SPEG: variants seen among roughly 807,000 people sequenced by gnomAD.
SPEG encodes striated muscle preferentially expressed protein kinase.
SPEG carries 114 observed loss-of-function variants against 300.4 expected under a neutral mutation model. The observed-to-expected ratio is 0.38, with a 90% CI of 0.33 to 0.44. The LOEUF (loss-of-function observed/expected upper bound fraction) is 0.44, where lower values mean the gene tolerates loss of function less well. Among genes scored for constraint, SPEG ranks in the 20% least tolerant of loss-of-function variants. The pLI is 1.00. For synonymous variants in SPEG, 1,964 were observed against 2,018.9 expected, an observed-to-expected ratio of 0.97 and a Z score of 0.73; for missense variants, 4,201 against 4,586.2, an observed-to-expected ratio of 0.92 and a Z score of 2.43.
Position 219,480,675 on chromosome 2 carries a change from G to C in SPEG, c.5347G>C (p.Val1783Leu). Residue 1783 changes from valine (V) to leucine (L), a missense_variant, in exon 26 of 41, where the codon GTG (valine) becomes CTG (leucine). Val to Leu is a conservative substitution (Grantham distance 32, BLOSUM62 1). This residue lies in a region of SPEG where 1,047 missense variants were observed against 1,356.8 expected (regional missense o/e 0.77). Coordinates refer to ENST00000312358, the MANE Select transcript of SPEG (RefSeq NM_005876.5). The surrounding 1 kb of genome is among the most constrained non-coding windows in gnomAD (Gnocchi z 5.3). ...ATCACTCTCCTTTTCCCACAGGCCT[G>C]TGGGTGTTGTTGCCTTCCTCTGGTA... ...PVSGVTDIWP[V>L]GVVAFLCLTG... The C allele has an allele frequency of 1.2e-6, 2 of 1,614,008 alleles. No individual in the cohort carries two copies. The highest frequency in any genetic ancestry group is 1.7e-6 in the Non-Finnish European group (2 of 1,179,920).
Position 219,477,814 on chromosome 2 carries a change from G to A in SPEG, c.4826+29G>A, listed in dbSNP as rs758217541. On this transcript the variant is annotated intron_variant, in intron 21 of 40. Coordinates refer to ENST00000312358, the MANE Select transcript of SPEG (RefSeq NM_005876.5). The surrounding 1 kb of genome is among the most constrained non-coding windows in gnomAD (Gnocchi z 6.4). ...TGGGGCTAGGAGGGAAGCCAGTGGG[G>A]GCCGAGAGAGGCTGCTGGGTCTGAG... The A allele has an allele frequency of 5.6e-6, 9 of 1,593,686 alleles. No homozygotes were observed. In the African/African-American group the frequency reaches 6.7e-5, roughly 12 times the overall value.
rs1690365712 is a variant in SPEG, at chr2:219,458,390, C to A, written c.2441-3492C>A. On this transcript the variant is annotated intron_variant, in intron 6 of 40. Coordinates refer to ENST00000312358, the MANE Select transcript of SPEG (RefSeq NM_005876.5). This position sits in a 1 kb window ranked among gnomAD's most constrained non-coding sequence, Gnocchi z 4.2. ...ATCACCTGAGTATGTGTTAGAAATG[C>A]AGTTTCTTTTTTTTTTTTTCCCAAT... is the stretch of plus-strand genomic sequence containing the variant. 6.6e-6 allele frequency among the ~76,000 whole-genome samples: 1 copy of A among 151,282 alleles called. No individual in the cohort carries two copies. Among genetic ancestry groups the A allele is most frequent in the African/African-American group, 2.5e-5 (1 of 40,732 alleles).
rs1405799293 is a variant in SPEG at position 219,467,262 on chromosome 2, G to A, written c.2970G>A (p.Leu990=). ...GGGAGATGGCGCTGTTTGAGTGCCT[G>A]GTGGCGGGGCCCACTGACGTGGAGG... ...GAGEMALFEC[L]VAGPTDVEVD... Residue 990 remains leucine, a synonymous_variant, in exon 10 of 41, where the codon CTG becomes CTA. Transcript: ENST00000312358. The A allele has an allele frequency of 2.5e-6, 4 of 1,608,356 alleles. No homozygotes were observed. The South Asian group carries it at 4.4e-5, about 18-fold the overall frequency.
rs531264478 is a variant in SPEG, at chr2:219,473,150, G to A, written c.4147+54G>A. 36 of 1,537,946 alleles carry A rather than the reference G, an allele frequency of 2.3e-5. 1 individual carries two copies. In the South Asian group the frequency reaches 3.4e-4, roughly 14 times the overall value. On this transcript the variant is annotated intron_variant, in intron 16 of 40. Coordinates refer to ENST00000312358, the MANE Select transcript of SPEG (RefSeq NM_005876.5). This position sits in a 1 kb window ranked among gnomAD's most constrained non-coding sequence, Gnocchi z 4.6. ...GGTGGGAGCTGCTGGGATGGGGAAT[G>A]GGGGCCCTGTGGTGGAGGCTCAAGG... is the stretch of plus-strand genomic sequence containing the variant.
In SPEG at chr2:219,484,684, C is replaced by G; in HGVS notation, c.7221C>G (p.Arg2407=). ...CTGTCGGAGAGCCTGGCCTCGTCCGCCGCCTCTCGCTGTCACTGTCCCAGC... is the reference window on the plus strand; with the variant it reads ...CTGTCGGAGAGCCTGGCCTCGTCCGGCGCCTCTCGCTGTCACTGTCCCAGC... ...LRAVGEPGLV[R]RLSLSLSQRL... The change falls in exon 30 of 41, where the codon CGC becomes CGG. Residue 2407 remains arginine (R), a synonymous_variant. Transcript: ENST00000312358. 6.6e-7 allele frequency: 1 copy of G among 1,519,012 alleles called. No homozygotes were observed. Among genetic ancestry groups the G allele is most frequent in the Non-Finnish European group, 8.8e-7 (1 of 1,141,692 alleles). The allele number at this position is 1,519,012 out of a possible 1,614,324, so 94.1% of individuals were successfully genotyped here.
chr2:219,481,769 C>A lies in SPEG; in HGVS notation c.5565+89C>A. The A allele has an allele frequency of 8.5e-7, 1 of 1,174,892 alleles. No homozygotes were observed. Among genetic ancestry groups the A allele is most frequent in the Non-Finnish European group, 1.3e-6 (1 of 784,044 alleles). The allele number at this position is 1,174,892 out of a possible 1,614,324, so 72.8% of individuals were successfully genotyped here. On this transcript the variant is annotated intron_variant, in intron 28 of 40. Transcript: ENST00000312358. This position sits in a 1 kb window ranked among gnomAD's most constrained non-coding sequence, Gnocchi z 5.4. ...CTATTTATTGAGTACCTACTGTGTG[C>A]AGTAACCACGTTAGGCATTGTATGT... is the stretch of plus-strand genomic sequence containing the variant.
At position 219,481,555 on chromosome 2, in the gene SPEG, C is replaced by T. The variant is rs2125540698; in HGVS notation, c.5523-83C>T. On this transcript the variant is annotated intron_variant, in intron 27 of 40. Coordinates refer to ENST00000312358, the MANE Select transcript of SPEG (RefSeq NM_005876.5). The surrounding 1 kb of genome is among the most constrained non-coding windows in gnomAD (Gnocchi z 5.4). Reference sequence around the variant, plus strand: ...TGCCCCTCGACATGCAAGCCCCCAACTCCTTAGGAGCCCTGTTTGCTCAGT... The same window carrying T: ...TGCCCCTCGACATGCAAGCCCCCAATTCCTTAGGAGCCCTGTTTGCTCAGT... The T allele has an allele frequency of 1.2e-6, 2 of 1,604,526 alleles. No individual in the cohort carries two copies. Among genetic ancestry groups the T allele is most frequent in the East Asian group, 2.2e-5 (1 of 44,786 alleles).
Position 219,489,714 on chromosome 2 carries a change from C to G in SPEG, c.8696C>G (p.Pro2899Arg), listed in dbSNP as rs1685310. 1.1e-5 allele frequency: 18 copies of G among 1,614,088 alleles called. No individual in the cohort carries two copies. The highest frequency in any genetic ancestry group is 1.4e-5 in the Non-Finnish European group (17 of 1,180,000). ...GTTAAACCAGTGTCTTCCTCTACTC[C>G]TGTGTATGTGGTGACTTCCTTTGTG... The part of the protein sequence containing the change: ...QGVKPVSSST[P>R]VYVVTSFVSA... Residue 2899 changes from proline to arginine, a missense_variant, in exon 36 of 41, where the codon CCT (proline) becomes CGT (arginine). This residue lies in a region of SPEG where 1,578 missense variants were observed against 1,506.0 expected (regional missense o/e 1.05). Coordinates refer to ENST00000312358, the MANE Select transcript of SPEG (RefSeq NM_005876.5).
Position 219,468,932 on chromosome 2 carries a change from T to A in SPEG, c.3375T>A (p.His1125Gln), listed in dbSNP as rs1374674807. The A allele has an allele frequency of 6.2e-7, 1 of 1,613,908 alleles. No homozygotes were observed. The highest frequency in any genetic ancestry group is 1.3e-5 in the African/African-American group (1 of 75,050). Residue 1125 changes from histidine to glutamine, a missense_variant, in exon 12 of 41, where the codon CAT (histidine) becomes CAA (glutamine). By Grantham distance (24) the His-to-Gln change is conservative. Coordinates refer to ENST00000312358, the MANE Select transcript of SPEG (RefSeq NM_005876.5). ...DGGLHSLHIA[H>Q]VGSEDEGLYA... ...GTCTGCACTCACTGCACATTGCCCA[T>A]GTGGGCAGCGAGGACGAGGGGCTCT...
In SPEG at chr2:219,447,989, C is replaced by T; in HGVS notation, c.831C>T (p.Ser277=). 6.2e-7 allele frequency: 1 copy of T among 1,612,544 alleles called. No homozygotes were observed. The highest frequency in any genetic ancestry group is 8.5e-7 in the Non-Finnish European group (1 of 1,179,848). Residue 277 remains serine, a synonymous_variant, in exon 4 of 41, where the codon AGC becomes AGT. Transcript: ENST00000312358. ...ALSIHVSVPQ[S]GLRREEPDLQ... ...GGTTCTGCAGCAGCGTCCCTCAGAG[C>T]GGGTTGCGCAGGGAGGAGCCCGACC...
intron 1 of SPEG, chr2:219,441,645 G>T: frequency 2.1e-6 from 1 of 465,380 alleles, no homozygotes. Context: ...GCCTGAGCTA[G>T]AGGCCATTGC....
At chr2:219,478,800 A>G (rs1178098230) in intron 22 of SPEG, among the ~76,000 whole-genome samples, 1 of 152,218 alleles carries the variant, frequency 6.6e-6, no homozygotes, top group Non-Finnish European at 1.5e-5. Flanking sequence ...ACAGTCAACA[A>G]AATTCTGCTG....
At position 219,493,201 on chromosome 2, in the gene SPEG, G is replaced by C. The variant is rs893118663; in HGVS notation, c.*415G>C. The C allele has an allele frequency of 8.3e-5, 32 of 386,538 alleles. No individual in the cohort carries two copies. Among genetic ancestry groups the C allele is most frequent in the African/African-American group, 6.7e-4 (32 of 47,970 alleles). 23.9% of individuals were successfully genotyped at this position (386,538 alleles called of 1,614,324 possible). A position where few individuals can be genotyped will look rare whatever the true frequency, so the allele number is the denominator to read the frequency against. The stretch of plus-strand genomic sequence containing the variant: ...GGAAGGAGCCCCAGGTGTCAGGGCA[G>C]TAGGCTGGGAGTCAGTGTGGCAAAG... On this transcript the variant is annotated 3_prime_UTR_variant, in exon 41 of 41. Coordinates refer to ENST00000312358, the MANE Select transcript of SPEG (RefSeq NM_005876.5).
chr2:219,451,525 G>A lies in SPEG; in HGVS notation c.2258-100G>A. The A allele has an allele frequency of 7.9e-7, 1 of 1,269,992 alleles. No homozygotes were observed. Among genetic ancestry groups the A allele is most frequent in the Non-Finnish European group, 1.0e-6 (1 of 953,958 alleles). 78.7% of individuals were successfully genotyped at this position (1,269,992 alleles called of 1,614,324 possible). On this transcript the variant is annotated intron_variant, in intron 5 of 40. Coordinates refer to ENST00000312358, the MANE Select transcript of SPEG (RefSeq NM_005876.5). The surrounding 1 kb of genome is among the most constrained non-coding windows in gnomAD (Gnocchi z 6.4). ...TTCCAGATTCCCTGGGGTGCTGAGA[G>A]GAGAGGTTTGGTCTCCTGTGTGGTG...
At position 219,459,276 on chromosome 2, in the gene SPEG, T is replaced by C. The variant is rs889336829; in HGVS notation, c.2441-2606T>C. Among the ~76,000 whole-genome samples, 1 of 152,202 alleles carries C rather than the reference T, an allele frequency of 6.6e-6. No homozygotes were observed. The highest frequency in any genetic ancestry group is 6.5e-5 in the Admixed American group (1 of 15,286). On this transcript the variant is annotated intron_variant, in intron 6 of 40. Coordinates refer to ENST00000312358, the MANE Select transcript of SPEG (RefSeq NM_005876.5). The surrounding 1 kb of genome is among the most constrained non-coding windows in gnomAD (Gnocchi z 4.9). ...CTCCTTCCTGGCTGGTGTAACTGTG[T>C]TTGCCACAGTGAGAGTTGGGCTTGT...
At chr2:219,455,739 G>T (rs1690128586) in intron 6 of SPEG, among the ~76,000 whole-genome samples, 1 of 152,208 alleles carries the variant, frequency 6.6e-6, no homozygotes, top group African/African-American at 2.4e-5. Context: ...CCGACTGGGG[G>T]CTTTCTCTTC....
rs1481215842 is a variant in SPEG, at chr2:219,484,243, C to T, written c.6780C>T (p.Gly2260=). 6.2e-7 allele frequency: 1 copy of T among 1,611,158 alleles called. No individual in the cohort carries two copies. The highest frequency in any genetic ancestry group is 1.3e-5 in the African/African-American group (1 of 74,876). Reference sequence around the variant, plus strand: ...TCCAGCTGTCAGGCCACGCCCAGGGCCCCTCGCAGGGCCCTGCCGCGCCGC... The same window carrying T: ...TCCAGCTGTCAGGCCACGCCCAGGGTCCCTCGCAGGGCCCTGCCGCGCCGC... The part of the protein sequence containing the change: ...QSLQLSGHAQ[G]PSQGPAAPPS... Residue 2260 remains glycine, a synonymous_variant, in exon 30 of 41, where the codon GGC becomes GGT. Coordinates refer to ENST00000312358, the MANE Select transcript of SPEG (RefSeq NM_005876.5).
rs114590294 is a variant in SPEG, at chr2:219,466,295, G to A, written c.2882-879G>A. On this transcript the variant is annotated intron_variant, in intron 9 of 40. Coordinates refer to ENST00000312358, the MANE Select transcript of SPEG (RefSeq NM_005876.5). ...GACACATGGCTGTGCAGGCCAGGAG[G>A]CCCACAGATGGACTGAGTGCTGGGA... 2,438 of 1,421,326 alleles carry A rather than the reference G, an allele frequency of 1.7e-3. 33 individuals carry two copies. The African/African-American group carries it at 0.027, about 16-fold the overall frequency. The allele number at this position is 1,421,326 out of a possible 1,614,324, so 88.0% of individuals were successfully genotyped here.
rs1559439527 is a variant in SPEG, at chr2:219,492,697, A to G, written c.9715A>G (p.Lys3239Glu). 1 of 1,608,968 alleles carries G rather than the reference A, an allele frequency of 6.2e-7. No individual in the cohort carries two copies. The change falls in exon 41 of 41, where the codon AAG becomes GAG. Residue 3239 changes from lysine (K) to glutamate (E), a missense_variant. By Grantham distance (56) the Lys-to-Glu change is moderately conservative. Around this residue, in one of 4 missense-constraint regions of SPEG, gnomAD observed 318 missense variants for 429.5 expected, o/e 0.74. Transcript: ENST00000312358. ...QTLTFTTNRL[K>E]EFLGEQRRRR... ...GCTCACCTTCACCACCAACCGGCTC[A>G]AGGAGTTCCTGGGCGAGCAGCGGCG... is the stretch of plus-strand genomic sequence containing the variant.
Sources: allele counts gnomAD v4.1 joint callset (sites outside exome capture counted in the v4.1 genomes callset), GRCh38; gene constraint gnomAD v4.1.1; regional missense constraint gnomAD v4.1.1; non-coding constraint Gnocchi (gnomAD v3.1); transcripts MANE v1.5; gene names NCBI Gene and HGNC (gene_info 2026-07-23, HGNC 2026-07-21).